Variants in TSPAN5 observed in about 807,000 individuals in gnomAD.
TSPAN5 encodes the protein tetraspanin 5.
TSPAN5 carries 10 observed loss-of-function variants against 37.1 expected under a neutral mutation model. The observed-to-expected ratio is 0.27, with a 90% confidence interval of 0.17 to 0.46. TSPAN5 has a LOEUF of 0.46. Ranked by LOEUF, TSPAN5 falls within the 20% of genes least tolerant of loss-of-function variation. The pLI is 1.00. For synonymous variants in TSPAN5, 110 were observed against 118.9 expected, an observed-to-expected ratio of 0.93 and a Z score of 0.48; for missense variants, 195 against 326.6, an observed-to-expected ratio of 0.60 and a Z score of 3.11.
At chr4:98,473,916 T>C (rs1165411267) in intron 7 of TSPAN5, among the ~76,000 whole-genome samples, 1 of 152,216 alleles carries the variant, frequency 6.6e-6, no homozygotes, top group African/African-American at 2.4e-5. Flanking sequence ...CAAGTCACCA[T>C]GCCTGGCTGC....
At chr4:98,496,465 T>C (rs1753215793) in intron 2 of TSPAN5, 1 of 151,006 alleles carries the variant, frequency 6.6e-6, no homozygotes, top group Non-Finnish European at 1.5e-5. Context: ...CATGGCTCCT[T>C]CCCATTTTTT....
chr4:98,545,484 A>G (rs1233973229), intron 1 of TSPAN5, among the ~76,000 whole-genome samples: 6 of 151,890 alleles, frequency 4.0e-5, no homozygotes, highest in Admixed American at 3.9e-4. Flanking sequence ...ATTTAACCAC[A>G]CTGCTTACTG....
chr4:98,630,841 G>C (rs1341975548), intron 1 of TSPAN5, among the ~76,000 whole-genome samples: 1 of 152,196 alleles, frequency 6.6e-6, no homozygotes, highest in East Asian at 1.9e-4. Context: ...AAGATGTGAG[G>C]ATAACTTGCC....
chr4:98,571,593 T>G (rs1159405040), intron 1 of TSPAN5, among the ~76,000 whole-genome samples: 2 of 151,848 alleles, frequency 1.3e-5, no homozygotes, highest in African/African-American at 4.8e-5. Flanking sequence ...TGTGCAAGGT[T>G]AGGAAAATTT....
At chr4:98,609,502 A>C (rs72908129) in intron 1 of TSPAN5, among the ~76,000 whole-genome samples, 5,662 of 152,188 alleles carry the variant, frequency 0.037, 355 homozygotes, top group African/African-American at 0.13. Flanking sequence ...TCTCTGAAAA[A>C]CAGTGGCAAC....
intron 1 of TSPAN5, among the ~76,000 whole-genome samples, chr4:98,613,334 G>A (rs1756246043): frequency 6.6e-6 from 1 of 152,088 alleles, no homozygotes; most frequent in South Asian, 2.1e-4. Context: ...GCTTACAAAT[G>A]TTGCCTATGC....
At chr4:98,520,617 G>C (rs1389037768) in intron 1 of TSPAN5, among the ~76,000 whole-genome samples, 1 of 152,234 alleles carries the variant, frequency 6.6e-6, no homozygotes, top group East Asian at 1.9e-4. Context: ...CCTTGGTCAA[G>C]TCACTGAATG....
chr4:98,653,256 C>A (rs566468277), intron 1 of TSPAN5, among the ~76,000 whole-genome samples: 4 of 152,016 alleles, frequency 2.6e-5, no homozygotes, highest in East Asian at 1.9e-4. Flanking sequence ...TGATGCCCCC[C>A]CTCCCCCACC....
At chr4:98,488,008 A>G (rs1294041910) in intron 2 of TSPAN5, among the ~76,000 whole-genome samples, 3 of 152,210 alleles carry the variant, frequency 2.0e-5, no homozygotes, top group Non-Finnish European at 4.4e-5. Flanking sequence ...ATACCTCCAG[A>G]GAATCACAGT....
At chr4:98,625,988 T>C (rs1307039431) in intron 1 of TSPAN5, among the ~76,000 whole-genome samples, 1 of 152,236 alleles carries the variant, frequency 6.6e-6, no homozygotes, top group Non-Finnish European at 1.5e-5. Context: ...TAAGTATCTC[T>C]AAAGGATTTT....
chr4:98,486,799 A>C lies in TSPAN5; in HGVS notation c.218T>G (p.Phe73Cys). The C allele has an allele frequency of 6.2e-7, 1 of 1,614,122 alleles. No individual in the cohort carries two copies. Among genetic ancestry groups the C allele is most frequent in the Non-Finnish European group, 8.5e-7 (1 of 1,180,024 alleles). The stretch of plus-strand genomic sequence containing the variant: ...AATGCACCCTGCAAATCCCAAAATG[A>C]ACATCACTCCTCCCACCACAAGGAA... Reference protein sequence around the residue: ...WLFLVVGGVMFILGFAGCIGA... With the variant: ...WLFLVVGGVMCILGFAGCIGA... The change falls in exon 3 of 8, where the codon TTC becomes TGC. Residue 73 changes from phenylalanine to cysteine, a missense_variant. Phe to Cys is a radical substitution (Grantham distance 205, BLOSUM62 -2). Coordinates refer to ENST00000305798, the MANE Select transcript of TSPAN5 (RefSeq NM_005723.4).
intron 1 of TSPAN5, among the ~76,000 whole-genome samples, chr4:98,634,712 G>C (rs1232847801): frequency 6.6e-6 from 1 of 152,184 alleles, no homozygotes; most frequent in African/African-American, 2.4e-5. Flanking sequence ...AAACACGAAG[G>C]AAGGATCTGA....
At chr4:98,612,833 A>G (rs28711692) in intron 1 of TSPAN5, among the ~76,000 whole-genome samples, 39,828 of 152,082 alleles carry the variant, frequency 0.26, 5,712 homozygotes, top group South Asian at 0.45. Context: ...CTCCCCCCAC[A>G]GGGCTAACCT....
At chr4:98,499,015 C>A (rs989868234) in intron 2 of TSPAN5, among the ~76,000 whole-genome samples, 2 of 152,158 alleles carry the variant, frequency 1.3e-5, no homozygotes, top group Non-Finnish European at 2.9e-5. Context: ...GAAGAAGTGA[C>A]CTCAGAGGGC....
At chr4:98,577,653 T>G (rs1470274513) in intron 1 of TSPAN5, among the ~76,000 whole-genome samples, 2 of 152,216 alleles carry the variant, frequency 1.3e-5, no homozygotes, top group Non-Finnish European at 2.9e-5. Context: ...TGAGGAAAAC[T>G]GGAACACCCC....
At chr4:98,493,601 G>A (rs997728718) in intron 2 of TSPAN5, among the ~76,000 whole-genome samples, 2 of 152,202 alleles carry the variant, frequency 1.3e-5, no homozygotes, top group South Asian at 2.1e-4. Context: ...GATCGATTCA[G>A]AATGCTATGT....
chr4:98,540,030 T>C (rs548933439), intron 1 of TSPAN5, among the ~76,000 whole-genome samples: 110 of 144,172 alleles, frequency 7.6e-4, no homozygotes, highest in African/African-American at 2.6e-3. Flanking sequence ...TCCAGGTGAC[T>C]AGAGCCTCAA....
chr4:98,609,874 G>A (rs1354241239), intron 1 of TSPAN5, among the ~76,000 whole-genome samples: 1 of 152,134 alleles, frequency 6.6e-6, no homozygotes, highest in Non-Finnish European at 1.5e-5. Context: ...AGCAGAAGGG[G>A]AGGGCAAAGG....
intron 5 of TSPAN5, among the ~76,000 whole-genome samples, chr4:98,477,822 C>T (rs762122131): frequency 6.6e-6 from 1 of 151,744 alleles, no homozygotes; most frequent in Non-Finnish European, 1.5e-5. Flanking sequence ...CCACACATGG[C>T]TAATTTTTTA....
Sources: gnomAD v4.1 joint callset for allele counts (sites outside exome capture counted in the v4.1 genomes callset) on GRCh38, gnomAD v4.1.1 for gene constraint, MANE v1.5 for transcripts, NCBI Gene and HGNC (gene_info 2026-07-23, HGNC 2026-07-21) for gene names.